The following COPS4 variants were observed in gnomAD, a reference collection of about 807,000 sequenced individuals.
The protein encoded by COPS4 is COP9 signalosome complex subunit 4.
In COPS4, 8 loss-of-function variants were observed where a neutral mutation model predicts 55.1. The observed-to-expected ratio is 0.15, with a 90% CI of 0.09 to 0.26. COPS4 has a LOEUF of 0.26. COPS4 is among the 10% of genes least tolerant of loss of function. The probability of loss-of-function intolerance (pLI) is 1.00; values close to 1 mark genes in which losing one functional copy is unlikely to be tolerated. For missense variants in COPS4, 248 were observed against 484.0 expected (o/e 0.51, Z 4.58); for synonymous variants, 185 against 165.7 (o/e 1.12, Z -0.90).
intron 9 of COPS4, among the ~76,000 whole-genome samples, chr4:83,073,765 C>T (rs1206658491): frequency 6.6e-6 from 1 of 151,114 alleles, no homozygotes; most frequent in Admixed American, 6.6e-5. Context: ...CCATCCTGGC[C>T]AACCAACATG....
intron 7 of COPS4, among the ~76,000 whole-genome samples, chr4:83,063,783 C>T (rs1038549066): frequency 2.0e-5 from 3 of 149,344 alleles, no homozygotes; most frequent in Non-Finnish European, 4.4e-5. Flanking sequence ...GATCTCGGTT[C>T]ACCACAACCT....
intron 7 of COPS4, among the ~76,000 whole-genome samples, 159 bp downstream of exon 7, chr4:83,063,405 T>TA (rs1731215462): frequency 8.6e-6 from 1 of 116,230 alleles, no homozygotes; most frequent in Non-Finnish European, 2.1e-5. Context: ...TTTTAATTTA[T>TA]AAAATTTTTT....
At chr4:83,074,197 G>C (rs1227920856) in intron 9 of COPS4, among the ~76,000 whole-genome samples, 1 of 152,110 alleles carries the variant, frequency 6.6e-6, no homozygotes, top group South Asian at 2.1e-4. Context: ...TTCCCCAGTA[G>C]GTGGCAGTGT....
chr4:83,035,523 G>C (rs940489895), intron 1 of COPS4: 1 of 375,024 alleles, frequency 2.7e-6, no homozygotes, highest in Non-Finnish European at 5.2e-6. Flanking sequence ...ATGATTGTCA[G>C]CTTGTTCAGT....
chr4:83,058,780 TAGTC>T (rs1243601382), intron 6 of COPS4, among the ~76,000 whole-genome samples: 4 of 152,132 alleles, frequency 2.6e-5, no homozygotes, highest in African/African-American at 9.7e-5. Context: ...ATAATTCATT[TAGTC>T]AGTCACAACA....
intron 7 of COPS4, among the ~76,000 whole-genome samples, chr4:83,064,071 C>T (rs1731239326): frequency 6.6e-6 from 1 of 152,124 alleles, no homozygotes; most frequent in Non-Finnish European, 1.5e-5. Context: ...CATGGTGGCT[C>T]ATGCCTGTAA....
Position 83,045,732 on chromosome 4 carries a change from G to A in COPS4, c.154+27G>A, listed in dbSNP as rs200921122. 37 of 1,519,504 alleles carry A rather than the reference G, an allele frequency of 2.4e-5. 1 individual carries two copies. In the East Asian group the frequency reaches 4.7e-4, roughly 19 times the overall value. The allele number at this position is 1,519,504 out of a possible 1,614,324, so 94.1% of individuals were successfully genotyped here. On this transcript the variant is annotated intron_variant, in intron 2 of 9. Transcript: ENST00000264389. ...TAAGTGAAATGGAAATTTCATGCTTGCCTTGTATTACTGAGCTAGGACTTT... is the reference window on the plus strand; with the variant it reads ...TAAGTGAAATGGAAATTTCATGCTTACCTTGTATTACTGAGCTAGGACTTT...
chr4:83,036,844 A>G (rs1730433122), intron 1 of COPS4, among the ~76,000 whole-genome samples: 1 of 152,212 alleles, frequency 6.6e-6, no homozygotes, highest in African/African-American at 2.4e-5. Context: ...TTAAAGAAGA[A>G]TAAGTGCATT....
At chr4:83,046,305 A>G (rs1578706079) in intron 2 of COPS4, among the ~76,000 whole-genome samples, 2 of 152,218 alleles carry the variant, frequency 1.3e-5, no homozygotes, top group East Asian at 3.8e-4. Context: ...TAGACTTCAG[A>G]GAAAATGAAA....
At chr4:83,057,111 G>C (rs1447517343) in intron 5 of COPS4, 32 bp downstream of exon 5, 1 of 1,587,724 alleles carries the variant, frequency 6.3e-7, no homozygotes, top group Admixed American at 1.7e-5. Context: ...AATTACTTTT[G>C]TATTGGAGAA....
chr4:83,069,693 T>C (rs1405570693), intron 9 of COPS4, among the ~76,000 whole-genome samples: 2 of 152,228 alleles, frequency 1.3e-5, no homozygotes, highest in African/African-American at 4.8e-5. Context: ...TTTCCTTTTT[T>C]AGTTATTTTT....
chr4:83,073,790 C>T (rs769969027), intron 9 of COPS4, among the ~76,000 whole-genome samples: 1 of 150,968 alleles, frequency 6.6e-6, no homozygotes, highest in Non-Finnish European at 1.5e-5. Context: ...AACCCCGTCT[C>T]TACTAAAAAT....
At position 83,068,418 on chromosome 4, in the gene COPS4, GTTTT is replaced by G; in HGVS notation, c.1003-14_1003-11del. 1 of 1,500,176 alleles carries G rather than the reference GTTTT, an allele frequency of 6.7e-7. No individual in the cohort carries two copies. 92.9% of individuals were successfully genotyped at this position (1,500,176 alleles called of 1,614,324 possible). A position where few individuals can be genotyped will look rare whatever the true frequency, so the allele number is the denominator to read the frequency against. ...AAAAGATATGATAAAGTTTCTGAGA[GTTTT>G]TTTTTCCCCCAATAGGCGGAAAAGA... is the stretch of plus-strand genomic sequence containing the variant. On this transcript the variant is annotated splice_polypyrimidine_tract_variant and intron_variant, in intron 8 of 9. Transcript: ENST00000264389.
rs189506184 is a variant in COPS4 at position 83,045,240 on chromosome 4, A to G, written c.75-386A>G. Among the ~76,000 whole-genome samples the G allele has an allele frequency of 5.9e-5, 9 of 152,356 alleles. No homozygotes were observed. In the East Asian group the frequency reaches 1.7e-3, roughly 29 times the overall value. On this transcript the variant is annotated intron_variant, in intron 1 of 9. Coordinates refer to ENST00000264389, the MANE Select transcript of COPS4 (RefSeq NM_016129.3). ...TCTATGTATTGCACAGTTGAAGGAA[A>G]TATAGCTTATCTTTTAAGGCATTTG... is the stretch of plus-strand genomic sequence containing the variant.
chr4:83,060,018 A>G (rs963123136), intron 6 of COPS4, among the ~76,000 whole-genome samples: 6 of 151,928 alleles, frequency 3.9e-5, no homozygotes, highest in African/African-American at 1.5e-4. Flanking sequence ...CTCCATTCTT[A>G]TAGGTACTTC....
chr4:83,050,003 ATTGGATGAC>A lies in COPS4; in HGVS notation c.410+21_410+29del. 2 of 1,415,634 alleles carry A rather than the reference ATTGGATGAC, an allele frequency of 1.4e-6. No homozygotes were observed. The highest frequency in any genetic ancestry group is 2.0e-6 in the Non-Finnish European group (2 of 1,008,252). 87.7% of individuals were successfully genotyped at this position (1,415,634 alleles called of 1,614,324 possible). A position where few individuals can be genotyped will look rare whatever the true frequency, so the allele number is the denominator to read the frequency against. On this transcript the variant is annotated intron_variant, in intron 4 of 9. Coordinates refer to ENST00000264389, the MANE Select transcript of COPS4 (RefSeq NM_016129.3). ...GACAAAAGTATAGTAAATAGTGGAT[ATTGGATGAC>A]TATATATAGGATGTATATAATTGCT...
intron 9 of COPS4, 151 bp from the exon 10 acceptor site, chr4:83,075,146 T>C: frequency 1.5e-6 from 1 of 647,624 alleles, no homozygotes. Context: ...TGTTTTTATT[T>C]TTTTTGAATA....
chr4:83,062,717 T>C (rs1258819614), intron 6 of COPS4, among the ~76,000 whole-genome samples: 1 of 152,234 alleles, frequency 6.6e-6, no homozygotes, highest in Non-Finnish European at 1.5e-5. Context: ...TTAGATAGCT[T>C]CATTTAAGTA....
At chr4:83,068,000 A>G (rs1731330320) in intron 8 of COPS4, among the ~76,000 whole-genome samples, 1 of 152,118 alleles carries the variant, frequency 6.6e-6, no homozygotes, top group African/African-American at 2.4e-5. Context: ...CTTTCTTTTA[A>G]TTGTCTTTTA....
Sources: gnomAD v4.1 joint callset for allele counts (sites outside exome capture counted in the v4.1 genomes callset) on GRCh38, gnomAD v4.1.1 for gene constraint, MANE v1.5 for transcripts, NCBI Gene and HGNC (gene_info 2026-07-23, HGNC 2026-07-21) for gene names.